ARID1B: variants seen among roughly 807,000 people sequenced by gnomAD.
ARID1B encodes the protein AT-rich interactive domain-containing protein 1B.
ARID1B carries 30 observed loss-of-function variants against 212.3 expected under a neutral mutation model. The ratio of observed to expected loss-of-function variants is 0.14; its 90% CI spans 0.11 to 0.19. ARID1B has a LOEUF of 0.19. ARID1B is among the 10% of genes least tolerant of loss of function. ARID1B has a pLI of 1.00. For synonymous variants in ARID1B, 1,402 were observed against 1,301.7 expected (o/e 1.08, Z -1.66); for missense variants, 2,891 against 3,204.0 (o/e 0.90, Z 2.36).
chr6:156,781,284 T>C (rs1159012975), intron 1 of ARID1B, among the ~76,000 whole-genome samples: 6 of 152,050 alleles, frequency 3.9e-5, no homozygotes, highest in Non-Finnish European at 8.8e-5. Flanking sequence ...CCATAATCTT[T>C]TTTTTTTCTT....
chr6:156,873,042 AC>A (rs66565631), intron 2 of ARID1B, among the ~76,000 whole-genome samples: 33,035 of 152,034 alleles, frequency 0.22, 3,641 homozygotes, highest in Non-Finnish European at 0.23. Context: ...CGAGGCAGTG[AC>A]CACCTGAACA....
At chr6:156,966,446 T>C (rs1794765927) in intron 4 of ARID1B, among the ~76,000 whole-genome samples, 1 of 145,750 alleles carries the variant, frequency 6.9e-6, no homozygotes, top group South Asian at 2.1e-4. Flanking sequence ...CAGGCTGGAG[T>C]GCAGTGGTGC....
chr6:157,174,245 G>T, intron 10 of ARID1B, 128 bp downstream of exon 10: 1 of 725,908 alleles, frequency 1.4e-6, no homozygotes, highest in Non-Finnish European at 2.3e-6. Flanking sequence ...TTCATTTTGT[G>T]CAACATGTTT....
intron 2 of ARID1B, among the ~76,000 whole-genome samples, chr6:156,892,060 CTTTTTT>C (rs1194745302): frequency 1.6e-5 from 1 of 64,442 alleles, no homozygotes; most frequent in Non-Finnish European, 3.3e-5. Context: ...TTTTTTTTTT[CTTTTTT>C]TTTTTGTATT....
At chr6:157,039,990 G>A (rs1486779812) in intron 4 of ARID1B, among the ~76,000 whole-genome samples, 8 of 146,072 alleles carry the variant, frequency 5.5e-5, no homozygotes, top group South Asian at 2.2e-4. Flanking sequence ...TCGCTTTGTC[G>A]CCAGGCTAGA....
chr6:156,842,286 C>A (rs1482080444), intron 2 of ARID1B, among the ~76,000 whole-genome samples: 3 of 152,176 alleles, frequency 2.0e-5, no homozygotes, highest in African/African-American at 7.2e-5. Context: ...TGTCCCTCTT[C>A]CCCCCAGGCA....
chr6:156,993,429 C>T (rs1005995497), intron 4 of ARID1B, among the ~76,000 whole-genome samples: 2 of 152,188 alleles, frequency 1.3e-5, no homozygotes, highest in Non-Finnish European at 2.9e-5. Context: ...CAAAAGTATT[C>T]TGCTAGCTCA....
In ARID1B at chr6:157,040,185, G is replaced by T. The variant is rs181620057; in HGVS notation, c.2248-44477G>T. ...GATCTCTTGACCTTGTGATCTGCCC[G>T]CCTCGGCCTCCCAAAGTGCTGGGAT... On this transcript the variant is annotated intron_variant, in intron 4 of 19. Coordinates refer to ENST00000636930, the MANE Select transcript of ARID1B (RefSeq NM_001374828.1). Among the ~76,000 whole-genome samples the T allele has an allele frequency of 6.0e-3, 918 of 152,234 alleles. 9 individuals are homozygous for T. Among genetic ancestry groups the T allele is most frequent in the African/African-American group, 0.021 (878 of 41,522 alleles).
chr6:156,823,144 G>C (rs1782480140), intron 1 of ARID1B, among the ~76,000 whole-genome samples: 1 of 152,066 alleles, frequency 6.6e-6, no homozygotes, highest in Non-Finnish European at 1.5e-5. Flanking sequence ...CTCTATGCCC[G>C]TGTGTAGTCC....
At chr6:157,055,179 G>A (rs1284548444) in intron 4 of ARID1B, among the ~76,000 whole-genome samples, 1 of 152,186 alleles carries the variant, frequency 6.6e-6, no homozygotes, top group African/African-American at 2.4e-5. Context: ...TTTCCCTTTG[G>A]AAATGATGAG....
At chr6:156,843,618 A>G (rs191946299) in intron 2 of ARID1B, among the ~76,000 whole-genome samples, 1 of 152,234 alleles carries the variant, frequency 6.6e-6, no homozygotes, top group Non-Finnish European at 1.5e-5. Context: ...TAGGCTGTAT[A>G]TGTGAATCCA....
At chr6:157,165,709 G>A (rs537181706) in intron 8 of ARID1B, among the ~76,000 whole-genome samples, 29 of 152,060 alleles carry the variant, frequency 1.9e-4, no homozygotes, top group Non-Finnish European at 3.8e-4. Flanking sequence ...TTAGCTGGAT[G>A]CTGTTGGCTC....
At chr6:157,169,977 T>C (rs761760457) in intron 9 of ARID1B, 1 of 152,184 alleles carries the variant, frequency 6.6e-6, no homozygotes, top group Non-Finnish European at 1.5e-5. Flanking sequence ...GTACAGGGTA[T>C]CCCAGCTCCA....
chr6:156,782,474 C>T (rs928567907), intron 1 of ARID1B, among the ~76,000 whole-genome samples: 4 of 152,078 alleles, frequency 2.6e-5, no homozygotes, highest in Non-Finnish European at 5.9e-5. Context: ...GGTCTACTCA[C>T]GCACATAGGT....
chr6:157,034,911 A>G (rs1583187111), intron 4 of ARID1B, among the ~76,000 whole-genome samples: 1 of 152,334 alleles, frequency 6.6e-6, no homozygotes, highest in African/African-American at 2.4e-5. Flanking sequence ...CTGTAATTAA[A>G]TTCGTTTAAA....
At chr6:156,793,489 C>T (rs1018386117) in intron 1 of ARID1B, among the ~76,000 whole-genome samples, 4 of 152,136 alleles carry the variant, frequency 2.6e-5, no homozygotes, top group Non-Finnish European at 2.9e-5. Context: ...GCACATGCCA[C>T]CATGCCTGCC....
At chr6:156,812,120 T>C (rs1781593250) in intron 1 of ARID1B, among the ~76,000 whole-genome samples, 1 of 152,224 alleles carries the variant, frequency 6.6e-6, no homozygotes, top group Non-Finnish European at 1.5e-5. Flanking sequence ...TGTGCCTTGA[T>C]ATTTCTGCAT....
intron 1 of ARID1B, among the ~76,000 whole-genome samples, chr6:156,786,847 T>C (rs952869767): frequency 6.6e-6 from 1 of 152,110 alleles, no homozygotes; most frequent in Non-Finnish European, 1.5e-5. Context: ...GCTCCCTCCA[T>C]ACCTGGATCG....
At chr6:157,155,423 C>A (rs1790512080) in intron 8 of ARID1B, among the ~76,000 whole-genome samples, 1 of 151,816 alleles carries the variant, frequency 6.6e-6, no homozygotes, top group Non-Finnish European at 1.5e-5. Flanking sequence ...CCTGAGAGAG[C>A]CCTTCGTGGA....
Sources: gnomAD v4.1 joint callset for allele counts (sites outside exome capture counted in the v4.1 genomes callset) on GRCh38, gnomAD v4.1.1 for gene constraint, MANE v1.5 for transcripts, NCBI Gene and HGNC (gene_info 2026-07-23, HGNC 2026-07-21) for gene names.